Variants in TDRD10 observed in about 807,000 individuals in gnomAD.
TDRD10 encodes the protein tudor domain-containing protein 10.
A neutral mutation model predicts 48.0 loss-of-function variants in TDRD10; 40 were observed. That is an observed-to-expected ratio of 0.83 (90% confidence interval 0.65 to 1.09). TDRD10 has a LOEUF of 1.09. Among genes scored for constraint, TDRD10 ranks in the 50% least tolerant of loss-of-function variants. The probability of loss-of-function intolerance (pLI) is 0.00; values close to 1 mark genes in which losing one functional copy is unlikely to be tolerated. For synonymous variants in TDRD10, 162 were observed against 170.4 expected (o/e 0.95, Z 0.38); for missense variants, 378 against 434.7 (o/e 0.87, Z 1.16).
At chr1:154,526,284 A>AG (rs1277804212) in intron 6 of TDRD10, among the ~76,000 whole-genome samples, 3 of 151,626 alleles carry the variant, frequency 2.0e-5, no homozygotes, top group African/African-American at 7.3e-5. Context: ...TGGCAGGCTG[A>AG]GGTGGTAGGA....
At chr1:154,539,354 T>G (rs2149348308) in intron 6 of TDRD10, among the ~76,000 whole-genome samples, 1 of 152,154 alleles carries the variant, frequency 6.6e-6, no homozygotes, top group African/African-American at 2.4e-5. Context: ...CAGGCTGGAG[T>G]GCAATGGCAC....
At chr1:154,525,622 G>A (rs1251399889) in intron 6 of TDRD10, among the ~76,000 whole-genome samples, 2 of 152,070 alleles carry the variant, frequency 1.3e-5, no homozygotes, top group Admixed American at 6.6e-5. Flanking sequence ...GGCCAGGCAC[G>A]GTGGCTAACA....
At chr1:154,515,548 T>G (rs1693714817) in intron 4 of TDRD10, among the ~76,000 whole-genome samples, 1 of 152,250 alleles carries the variant, frequency 6.6e-6, no homozygotes, top group Non-Finnish European at 1.5e-5. Context: ...GCCCAGAACC[T>G]GCCATAGGGC....
At chr1:154,504,458 G>A (rs1207450725) in intron 1 of TDRD10, among the ~76,000 whole-genome samples, 2 of 152,222 alleles carry the variant, frequency 1.3e-5, no homozygotes, top group South Asian at 2.1e-4. Context: ...CTTTTCCAAA[G>A]TGGCTGCACC....
chr1:154,528,111 C>T (rs1694406146), intron 6 of TDRD10, among the ~76,000 whole-genome samples: 1 of 151,866 alleles, frequency 6.6e-6, no homozygotes, highest in African/African-American at 2.4e-5. Context: ...CATTTCTTGG[C>T]TGAGTGCAGT....
At chr1:154,522,696 CT>C (rs1694119851) in intron 6 of TDRD10, among the ~76,000 whole-genome samples, 1 of 8,752 alleles carries the variant, frequency 1.1e-4, no homozygotes, top group Non-Finnish European at 4.9e-4. Context: ...ATTTCAAACT[CT>C]TTCTCTTCCT....
At chr1:154,542,659 C>T (rs772459530) in intron 7 of TDRD10, 72 bp from the exon 8 acceptor site, 1 of 1,295,912 alleles carries the variant, frequency 7.7e-7, no homozygotes, top group Non-Finnish European at 1.1e-6. Flanking sequence ...GCCAAGGCCT[C>T]TTGTGGGTTA....
chr1:154,506,380 CTT>C (rs35085696), intron 1 of TDRD10, among the ~76,000 whole-genome samples: 1 of 145,088 alleles, frequency 6.9e-6, no homozygotes, highest in Admixed American at 6.9e-5. Context: ...ACGTCTCTCT[CTT>C]TTTTTTTTTT....
chr1:154,521,702 G>A (rs1694069273), intron 6 of TDRD10, among the ~76,000 whole-genome samples: 1 of 152,148 alleles, frequency 6.6e-6, no homozygotes. Flanking sequence ...TATATTTTTG[G>A]CAAGGATAAA....
At chr1:154,516,006 C>T (rs775730094) in intron 4 of TDRD10, among the ~76,000 whole-genome samples, 7 of 152,150 alleles carry the variant, frequency 4.6e-5, no homozygotes, top group Non-Finnish European at 8.8e-5. Flanking sequence ...CATGAGGCAC[C>T]GTGCCTGGCC....
chr1:154,526,240 T>TA (rs557735911), intron 6 of TDRD10, among the ~76,000 whole-genome samples: 14 of 140,292 alleles, frequency 1.0e-4, no homozygotes, highest in Admixed American at 2.9e-4. Context: ...ATTATTGAAA[T>TA]AAAAAAAAAA....
chr1:154,540,508 A>C (rs946511689), intron 6 of TDRD10, among the ~76,000 whole-genome samples: 3 of 8,494 alleles, frequency 3.5e-4, no homozygotes, highest in African/African-American at 1.8e-3. Context: ...CCATCTCTAC[A>C]AAAAAAAAAA....
chr1:154,514,478 G>C (rs1693644352), intron 4 of TDRD10, among the ~76,000 whole-genome samples: 1 of 152,118 alleles, frequency 6.6e-6, no homozygotes, highest in Non-Finnish European at 1.5e-5. Context: ...GGAAACACAC[G>C]GAATGGGGGT....
intron 4 of TDRD10, among the ~76,000 whole-genome samples, chr1:154,511,039 C>T (rs1456951586): frequency 6.6e-6 from 1 of 150,912 alleles, no homozygotes; most frequent in Non-Finnish European, 1.5e-5. Context: ...GAGCGAGACC[C>T]TGTTTCAAAA....
chr1:154,542,592 C>CT, intron 7 of TDRD10, 139 bp from the exon 8 acceptor site: 2 of 602,286 alleles, frequency 3.3e-6, no homozygotes, highest in South Asian at 4.3e-5. Flanking sequence ...AATCTAGAGA[C>CT]TGAGAAGTTG....
intron 4 of TDRD10, among the ~76,000 whole-genome samples, chr1:154,513,376 T>C (rs2149317781): frequency 6.6e-6 from 1 of 152,224 alleles, no homozygotes; most frequent in Middle Eastern, 3.4e-3. Context: ...GAGCAAACAA[T>C]CCTAGTGAAT....
intron 1 of TDRD10, among the ~76,000 whole-genome samples, chr1:154,503,241 A>G (rs1370459613): frequency 6.6e-6 from 1 of 152,032 alleles, no homozygotes; most frequent in Non-Finnish European, 1.5e-5. Flanking sequence ...AACTGTGGCC[A>G]CTTTAAGGGA....
chr1:154,532,720 C>T (rs530815142), intron 6 of TDRD10, among the ~76,000 whole-genome samples: 218 of 152,312 alleles, frequency 1.4e-3, no homozygotes, highest in African/African-American at 4.7e-3. Context: ...TTTCTTGTTA[C>T]GTTGCTAGAC....
At chr1:154,517,517 G>T (rs935539511) in intron 4 of TDRD10, among the ~76,000 whole-genome samples, 1 of 151,718 alleles carries the variant, frequency 6.6e-6, no homozygotes, top group Non-Finnish European at 1.5e-5. Context: ...TGCCCCCTGG[G>T]GTTTAAGGGA....
Sources: gnomAD v4.1 joint callset for allele counts (sites outside exome capture counted in the v4.1 genomes callset) on GRCh38, gnomAD v4.1.1 for gene constraint, MANE v1.5 for transcripts, NCBI Gene and HGNC (gene_info 2026-07-23, HGNC 2026-07-21) for gene names.